Variants in CACNA1I observed in about 807,000 individuals in gnomAD.
CACNA1I encodes the protein voltage-dependent T-type calcium channel subunit alpha-1I.
A neutral mutation model predicts 201.6 loss-of-function variants in CACNA1I; 74 were observed. The observed-to-expected ratio is 0.37, with a 90% CI of 0.30 to 0.45. CACNA1I has a LOEUF of 0.45. Ranked by LOEUF, CACNA1I falls within the 20% of genes least tolerant of loss-of-function variation. The pLI, the probability that CACNA1I is intolerant of heterozygous loss-of-function variation, is 1.00. For synonymous variants in CACNA1I, 1,431 were observed against 1,345.2 expected (o/e 1.06, Z -1.40); for missense variants, 2,346 against 3,138.1 (o/e 0.75, Z 6.03).
chr22:39,601,008 A>G (rs190554977), intron 3 of CACNA1I, among the ~76,000 whole-genome samples: 39 of 152,274 alleles, frequency 2.6e-4, no homozygotes, highest in Middle Eastern at 3.4e-3. Context: ...TAGGATTGCT[A>G]TCCTGGATCT....
chr22:39,581,372 G>T (rs1932541709), intron 1 of CACNA1I, among the ~76,000 whole-genome samples: 1 of 152,180 alleles, frequency 6.6e-6, no homozygotes, highest in South Asian at 2.1e-4. Context: ...GACATTTGGG[G>T]TCCAGATTCT....
intron 24 of CACNA1I, among the ~76,000 whole-genome samples, chr22:39,669,256 A>G (rs2146461768): frequency 6.6e-6 from 1 of 152,272 alleles, no homozygotes; most frequent in Non-Finnish European, 1.5e-5. Flanking sequence ...CCCACCCAGT[A>G]AGGCTCTGGA....
chr22:39,591,903 CAG>C (rs765985480), intron 1 of CACNA1I, among the ~76,000 whole-genome samples: 2 of 152,250 alleles, frequency 1.3e-5, no homozygotes, highest in Non-Finnish European at 2.9e-5. Context: ...AACAGACACT[CAG>C]GGGCACTGAA....
chr22:39,677,444 G>C lies in CACNA1I; in HGVS notation c.4933+25G>C. On this transcript the variant is annotated intron_variant, in intron 30 of 36. Transcript: ENST00000402142. The surrounding 1 kb of genome is among the most constrained non-coding windows in gnomAD (Gnocchi z 4.8). ...GGTGAGTGACTCCCAGAGCAGGCCC[G>C]TGGTGGGGGTGCAGCAGGGCTGCAG... 6.7e-7 allele frequency: 1 copy of C among 1,487,134 alleles called. No individual in the cohort carries two copies. Among genetic ancestry groups the C allele is most frequent in the Non-Finnish European group, 9.0e-7 (1 of 1,106,040 alleles). The allele number at this position is 1,487,134 out of a possible 1,614,324, so 92.1% of individuals were successfully genotyped here.
intron 3 of CACNA1I, among the ~76,000 whole-genome samples, chr22:39,616,347 T>C (rs542266675): frequency 6.6e-6 from 1 of 152,284 alleles, no homozygotes; most frequent in Admixed American, 6.5e-5. Context: ...GATCCTAAAG[T>C]TACTAACTGG....
Position 39,681,354 on chromosome 22 carries a change from G to A in CACNA1I, c.5664+302G>A, listed in dbSNP as rs566675735. Among the ~76,000 whole-genome samples, 10 of 152,334 alleles carry A rather than the reference G, an allele frequency of 6.6e-5. No homozygotes were observed. In the South Asian group the frequency reaches 2.1e-3, roughly 32 times the overall value. On this transcript the variant is annotated intron_variant, in intron 34 of 36. Coordinates refer to ENST00000402142, the MANE Select transcript of CACNA1I (RefSeq NM_021096.4). ...CACGGGGGGTCATCCCTGGCCGGCG[G>A]GGCTGTGAGGCTGAAGCGAACGGGG...
Position 39,670,082 on chromosome 22 carries a change from C to T in CACNA1I, c.4239C>T (p.Ser1413=), listed in dbSNP as rs1170011615. 6 of 1,613,136 alleles carry T rather than the reference C, an allele frequency of 3.7e-6. No individual in the cohort carries two copies. Among genetic ancestry groups the T allele is most frequent in the Non-Finnish European group, 5.1e-6 (6 of 1,179,884 alleles). ...HNPWMLLYFI[S]FLLIVSFFVL... is the part of the protein sequence containing the mutation. ...CCTGGATGCTGCTGTACTTCATCTC[C>T]TTCCTGCTCATCGTCAGCTTCTTTG... Residue 1413 remains serine, a synonymous_variant, in exon 25 of 37, where the codon TCC becomes TCT. Coordinates refer to ENST00000402142, the MANE Select transcript of CACNA1I (RefSeq NM_021096.4).
chr22:39,678,674 CA>C (rs1935588661), intron 31 of CACNA1I, among the ~76,000 whole-genome samples: 1 of 152,192 alleles, frequency 6.6e-6, no homozygotes, highest in Admixed American at 6.5e-5. Flanking sequence ...CTCCTCAGCC[CA>C]GGGCGGGAAG....
At chr22:39,673,143 T>C (rs1430003876) in intron 28 of CACNA1I, 61 bp downstream of exon 28, 6 of 1,357,178 alleles carry the variant, frequency 4.4e-6, no homozygotes, top group Non-Finnish European at 6.1e-6. Flanking sequence ...AGACTCCTCA[T>C]TGCCTGATGA....
intron 7 of CACNA1I, among the ~76,000 whole-genome samples, chr22:39,645,171 G>A (rs192630087): frequency 2.0e-5 from 3 of 152,124 alleles, no homozygotes; most frequent in Admixed American, 2.0e-4. Context: ...ATTTTTAGTA[G>A]AGACAGGATT....
rs1375650117 is a variant in CACNA1I, at chr22:39,686,146, C to T, written c.6413C>T (p.Pro2138Leu). Residue 2138 changes from proline to leucine, a missense_variant, in exon 37 of 37, where the codon CCG becomes CTG. By Grantham distance (98) the Pro-to-Leu change is moderately conservative (BLOSUM62 -3). Around this residue, in one of 13 missense-constraint regions of CACNA1I, gnomAD observed 187 missense variants for 151.0 expected, o/e 1.24. Transcript: ENST00000402142. ...CTCTCGCTCACCTCCCTCTTCTGCC[C>T]GCCGCCCCCGCCGCCAGCCCCCGGC... ...SSLSLTSLFC[P>L]PPPPPAPGLT... 5.5e-6 allele frequency: 7 copies of T among 1,276,174 alleles called. No homozygotes were observed. In the South Asian group the frequency reaches 1.3e-4, roughly 24 times the overall value. 79.1% of individuals were successfully genotyped at this position (1,276,174 alleles called of 1,614,324 possible). A position where few individuals can be genotyped will look rare whatever the true frequency, so the allele number is the denominator to read the frequency against.
intron 3 of CACNA1I, among the ~76,000 whole-genome samples, chr22:39,608,154 A>G (rs886205329): frequency 6.6e-6 from 1 of 152,060 alleles, no homozygotes. Context: ...ATACAAATTC[A>G]AAAATTAGCC....
At chr22:39,664,404 A>G (rs1569090106) in intron 20 of CACNA1I, among the ~76,000 whole-genome samples, 1 of 152,052 alleles carries the variant, frequency 6.6e-6, no homozygotes, top group African/African-American at 2.4e-5. Context: ...ACTGAGTGTG[A>G]TGGAGGCACC....
chr22:39,668,750 TG>T (rs1439442482), intron 24 of CACNA1I, among the ~76,000 whole-genome samples: 3 of 151,910 alleles, frequency 2.0e-5, no homozygotes, highest in Non-Finnish European at 4.4e-5. Flanking sequence ...TTTAGGGAAT[TG>T]GGAGTTGGGA....
chr22:39,628,756 G>A (rs1208387664), intron 4 of CACNA1I, among the ~76,000 whole-genome samples: 2 of 152,210 alleles, frequency 1.3e-5, no homozygotes, highest in Non-Finnish European at 2.9e-5. Flanking sequence ...TCTCCCAGCC[G>A]CCCAGCCCCT....
At chr22:39,579,713 C>G (rs1182204352) in intron 1 of CACNA1I, among the ~76,000 whole-genome samples, 1 of 151,282 alleles carries the variant, frequency 6.6e-6, no homozygotes, top group Non-Finnish European at 1.5e-5. Context: ...ATGGCGCGAT[C>G]TCTGCTCACT....
At chr22:39,640,383 G>T (rs1052496321) in intron 5 of CACNA1I, among the ~76,000 whole-genome samples, 1 of 151,778 alleles carries the variant, frequency 6.6e-6, no homozygotes, top group Admixed American at 6.6e-5. Context: ...AGTGAGACTC[G>T]GTCTAAAAAA....
At chr22:39,658,449 T>G in intron 11 of CACNA1I, 146 bp downstream of exon 11, 1 of 784,834 alleles carries the variant, frequency 1.3e-6, no homozygotes, top group Non-Finnish European at 2.0e-6. Flanking sequence ...CATTTGTGAT[T>G]TAGCAACATA....
intron 4 of CACNA1I, among the ~76,000 whole-genome samples, chr22:39,631,841 C>T (rs1934072365): frequency 6.6e-6 from 1 of 152,174 alleles, no homozygotes; most frequent in African/African-American, 2.4e-5. Flanking sequence ...GCCATAGTCT[C>T]TTGGGGTCCT....
Sources: allele counts gnomAD v4.1 joint callset (sites outside exome capture counted in the v4.1 genomes callset), GRCh38; gene constraint gnomAD v4.1.1; regional missense constraint gnomAD v4.1.1; non-coding constraint Gnocchi (gnomAD v3.1); transcripts MANE v1.5; gene names NCBI Gene and HGNC (gene_info 2026-07-23, HGNC 2026-07-21).